Variants in WAPL observed in about 807,000 individuals in gnomAD.
WAPL encodes wings apart-like protein homolog.
Under a neutral mutation model 121.0 loss-of-function variants are expected in WAPL, and 5 were observed. The observed-to-expected ratio is 0.04, with a 90% confidence interval of 0.02 to 0.09. The LOEUF is 0.09. WAPL is among the 10% of genes least tolerant of loss of function. The pLI, the probability that WAPL is intolerant of heterozygous loss-of-function variation, is 1.00. For synonymous variants in WAPL, 480 were observed against 481.5 expected (o/e 1.00, Z 0.04); for missense variants, 999 against 1,410.8 (o/e 0.71, Z 4.68).
At chr10:86,440,505 T>C (rs1589487161) in intron 17 of WAPL, among the ~76,000 whole-genome samples, 1 of 152,114 alleles carries the variant, frequency 6.6e-6, no homozygotes, top group Non-Finnish European at 1.5e-5. Context: ...TTCACCGTGT[T>C]AGCCAGGATG....
intron 15 of WAPL, among the ~76,000 whole-genome samples, chr10:86,450,847 T>C (rs1394750957): frequency 2.0e-5 from 3 of 152,214 alleles, no homozygotes; most frequent in African/African-American, 4.8e-5. Context: ...CTACCTCTTA[T>C]CTATAGTCAA....
intron 18 of WAPL, 130 bp downstream of exon 18, chr10:86,437,790 T>A: frequency 1.0e-6 from 1 of 960,176 alleles, no homozygotes; most frequent in Non-Finnish European, 1.5e-6. Context: ...CTTGAAGAAA[T>A]AGAACACGAT....
At chr10:86,497,386 G>A in intron 3 of WAPL, 67 bp from the exon 4 acceptor site, 2 of 1,127,736 alleles carry the variant, frequency 1.8e-6, no homozygotes, top group Non-Finnish European at 2.6e-6. Flanking sequence ...AACCTATCAA[G>A]ATTATATATA....
chr10:86,444,600 A>G (rs1468392158), intron 16 of WAPL, among the ~76,000 whole-genome samples: 2 of 152,182 alleles, frequency 1.3e-5, no homozygotes, highest in Non-Finnish European at 1.5e-5. Flanking sequence ...TCCTTTTTAA[A>G]TGGAATGTCC....
intron 2 of WAPL, among the ~76,000 whole-genome samples, chr10:86,515,528 A>G (rs1053124001): frequency 2.0e-5 from 3 of 151,898 alleles, no homozygotes; most frequent in African/African-American, 4.8e-5. Flanking sequence ...CACGCTTGCA[A>G]TCCCAGCACT....
At chr10:86,495,332 T>A (rs1344950124) in intron 4 of WAPL, among the ~76,000 whole-genome samples, 1 of 152,068 alleles carries the variant, frequency 6.6e-6, no homozygotes, top group Non-Finnish European at 1.5e-5. Context: ...CCAGGTATCA[T>A]AATGCACGCC....
chr10:86,488,269 C>G (rs1047008809), intron 4 of WAPL, among the ~76,000 whole-genome samples: 2 of 152,158 alleles, frequency 1.3e-5, no homozygotes, highest in Non-Finnish European at 2.9e-5. Context: ...TAGCTGTCTA[C>G]TCAGAGAGGG....
intron 4 of WAPL, among the ~76,000 whole-genome samples, chr10:86,489,990 G>A (rs964844894): frequency 1.3e-5 from 2 of 151,938 alleles, no homozygotes; most frequent in African/African-American, 2.4e-5. Flanking sequence ...CAAGGTGGGC[G>A]GATCGCTTGA....
chr10:86,490,316 CT>C (rs1166998613), intron 4 of WAPL, among the ~76,000 whole-genome samples: 1 of 151,916 alleles, frequency 6.6e-6, no homozygotes, highest in Admixed American at 6.6e-5. Context: ...CAATAATTTT[CT>C]TAATTTTCTG....
intron 2 of WAPL, among the ~76,000 whole-genome samples, chr10:86,505,918 TAA>T (rs1842340995): frequency 6.6e-6 from 1 of 152,054 alleles, no homozygotes; most frequent in South Asian, 2.1e-4. Context: ...GAAAAAATTT[TAA>T]AAAGAGAATG....
chr10:86,497,057 G>T, intron 4 of WAPL, 144 bp downstream of exon 4: 1 of 633,412 alleles, frequency 1.6e-6, no homozygotes, highest in Non-Finnish European at 2.6e-6. Context: ...TTTAAAAAAT[G>T]GTTATATCTG....
intron 1 of WAPL, among the ~76,000 whole-genome samples, chr10:86,520,554 G>C (rs906826123): frequency 6.6e-6 from 1 of 152,010 alleles, no homozygotes; most frequent in Admixed American, 6.6e-5. Context: ...CATTATCTAA[G>C]CGTAAAGCAC....
chr10:86,515,357 T>C (rs1842535438), intron 2 of WAPL, among the ~76,000 whole-genome samples: 1 of 151,768 alleles, frequency 6.6e-6, no homozygotes, highest in South Asian at 2.1e-4. Context: ...TGACGGACAG[T>C]AGGTGCTCAA....
Position 86,435,665 on chromosome 10 carries a change from AAAAC to A in WAPL, c.*1874_*1877del, listed in dbSNP as rs1849301881. 1 of 152,578 alleles carries A rather than the reference AAAAC, an allele frequency of 6.6e-6. No individual in the cohort carries two copies. The highest frequency in any genetic ancestry group is 1.5e-5 in the Non-Finnish European group (1 of 68,032). 9.5% of individuals were successfully genotyped at this position (152,578 alleles called of 1,614,324 possible). ...TTAGTTATTATTTAAAAAACAAAAC[AAAAC>A]AAAAAACTGTTAAACACTGAGGTAA... is the stretch of plus-strand genomic sequence containing the variant. On this transcript the variant is annotated 3_prime_UTR_variant, in exon 19 of 19. Coordinates refer to ENST00000298767, the MANE Select transcript of WAPL (RefSeq NM_015045.5).
At chr10:86,453,162 C>A (rs2132173902) in intron 14 of WAPL, 58 bp downstream of exon 14, 2 of 1,439,798 alleles carry the variant, frequency 1.4e-6, no homozygotes, top group Admixed American at 1.8e-5. Flanking sequence ...CTAAGGTTAA[C>A]ATTTTGCACA....
chr10:86,461,304 T>C lies in WAPL; in HGVS notation c.2371-17A>G. ...ATGCCCAGTCTAAAAACCAGAAGCA[T>C]CATTAATGAATATCAACTTTTAGCA... On this transcript the variant is annotated splice_polypyrimidine_tract_variant and intron_variant, in intron 9 of 18. Coordinates refer to ENST00000298767, the MANE Select transcript of WAPL (RefSeq NM_015045.5). 6.3e-7 allele frequency: 1 copy of C among 1,576,626 alleles called. No homozygotes were observed. Among genetic ancestry groups the C allele is most frequent in the Non-Finnish European group, 8.7e-7 (1 of 1,154,984 alleles).
chr10:86,516,759 A>G (rs1007820206), intron 2 of WAPL, among the ~76,000 whole-genome samples: 1 of 152,144 alleles, frequency 6.6e-6, no homozygotes, highest in Non-Finnish European at 1.5e-5. Flanking sequence ...ACAAATTAAC[A>G]TTTTTAAAAT....
At chr10:86,509,278 T>C (rs1450036834) in intron 2 of WAPL, among the ~76,000 whole-genome samples, 2 of 152,172 alleles carry the variant, frequency 1.3e-5, no homozygotes. Context: ...TCTGTCAAAA[T>C]GTTCCCTATC....
At chr10:86,514,447 T>G (rs1012419049) in intron 2 of WAPL, among the ~76,000 whole-genome samples, 1 of 152,154 alleles carries the variant, frequency 6.6e-6, no homozygotes, top group Non-Finnish European at 1.5e-5. Context: ...AAAAGAAATA[T>G]TCATAGTGCT....
Sources: allele counts gnomAD v4.1 joint callset (sites outside exome capture counted in the v4.1 genomes callset), GRCh38; gene constraint gnomAD v4.1.1; transcripts MANE v1.5; gene names NCBI Gene and HGNC (gene_info 2026-07-23, HGNC 2026-07-21).